The following FGF20 variants were observed in gnomAD, a reference collection of about 807,000 sequenced individuals.
FGF20 encodes fibroblast growth factor 20.
A neutral mutation model predicts 16.7 loss-of-function variants in FGF20; 8 were observed. The ratio of observed to expected loss-of-function variants is 0.48; its 90% confidence interval spans 0.28 to 0.87. FGF20 has a LOEUF of 0.87. Ranked by LOEUF, FGF20 falls within the 40% of genes least tolerant of loss-of-function variation. FGF20 has a pLI of 0.10. For synonymous variants in FGF20, 161 were observed against 118.6 expected (o/e 1.36, Z -2.32); for missense variants, 397 against 281.4 (o/e 1.41, Z -2.94).
intron 1 of FGF20, 32 bp downstream of exon 1, chr8:17,001,715 G>A (rs762070133): frequency 1.3e-6 from 2 of 1,550,562 alleles, no homozygotes; most frequent in Admixed American, 1.9e-5. Flanking sequence ...CTGGGGCGCA[G>A]ATGGGGGTGG....
intron 1 of FGF20, among the ~76,000 whole-genome samples, chr8:17,000,328 ACC>A (rs1810152601): frequency 6.6e-6 from 1 of 152,200 alleles, no homozygotes; most frequent in Non-Finnish European, 1.5e-5. Flanking sequence ...TTTAAGTGCT[ACC>A]AAATGACCAC....
chr8:16,994,718 C>G (rs1323647070), intron 2 of FGF20, among the ~76,000 whole-genome samples: 5 of 152,122 alleles, frequency 3.3e-5, no homozygotes, highest in Admixed American at 3.3e-4. Flanking sequence ...CCAGAGAGTG[C>G]CATCTGCTTA....
At chr8:16,995,205 CCA>C (rs1810015096) in intron 2 of FGF20, among the ~76,000 whole-genome samples, 2 of 152,108 alleles carry the variant, frequency 1.3e-5, no homozygotes, top group South Asian at 4.1e-4. Context: ...TTGCAGTATC[CCA>C]CAACTTTACT....
chr8:16,998,146 C>G (rs1045648461), intron 1 of FGF20, among the ~76,000 whole-genome samples: 3 of 152,104 alleles, frequency 2.0e-5, no homozygotes, highest in Admixed American at 6.5e-5. Context: ...GGTAAACCAC[C>G]TACACTTTAA....
intron 1 of FGF20, among the ~76,000 whole-genome samples, chr8:16,999,689 T>TC (rs550927008): frequency 4.9e-4 from 15 of 30,574 alleles, no homozygotes; most frequent in African/African-American, 3.9e-3. Flanking sequence ...GCCCAGCTAA[T>TC]TTTTTTTTTT....
intron 1 of FGF20, among the ~76,000 whole-genome samples, chr8:16,999,518 CTTTTTTTTTTT>C (rs370808443): frequency 5.8e-5 from 5 of 85,836 alleles, no homozygotes; most frequent in Admixed American, 1.8e-4. Context: ...TACAAGTTTC[CTTTTTTTTTTT>C]TTTTTTTTTT....
intron 1 of FGF20, among the ~76,000 whole-genome samples, chr8:17,001,170 G>A (rs1371856144): frequency 1.3e-5 from 2 of 151,704 alleles, no homozygotes; most frequent in Non-Finnish European, 2.9e-5. Flanking sequence ...CTCTTCAGGT[G>A]AACATTTGCA....
Position 16,993,055 on chromosome 8 carries a change from A to G in FGF20, c.*17T>C, listed in dbSNP as rs773213151. On this transcript the variant is annotated 3_prime_UTR_variant, in exon 3 of 3. Transcript: ENST00000180166. ...AATGGTTGTGGTTTGACTCTTCCAT[A>G]ATGTCACTATCGCACTTCAAGTGTA... The G allele has an allele frequency of 1.2e-6, 2 of 1,610,882 alleles. No homozygotes were observed. Among genetic ancestry groups the G allele is most frequent in the Non-Finnish European group, 1.7e-6 (2 of 1,178,492 alleles).
rs983239631 is a variant in FGF20 at position 17,001,790 on chromosome 8, G to C, written c.243C>G (p.Pro81=). 5 of 1,571,212 alleles carry C rather than the reference G, an allele frequency of 3.2e-6. No homozygotes were observed. The highest frequency in any genetic ancestry group is 1.4e-5 in the African/African-American group (1 of 71,422). ...GCCGGGTGCCCTGCACGCTGCCGTC[G>C]GGCAGGATCTGCAGGTGGAAGCCGG... ...CRTGFHLQIL[P]DGSVQGTRQD... is the part of the protein sequence containing the mutation. Residue 81 remains proline (P), a synonymous_variant, in exon 1 of 3, where the codon CCC becomes CCG. Transcript: ENST00000180166.
chr8:16,995,611 T>A (rs1810024384), intron 2 of FGF20, 44 bp downstream of exon 2: 1 of 816,954 alleles, frequency 1.2e-6, no homozygotes, highest in Non-Finnish European at 1.8e-6. Context: ...ATAGTCAATA[T>A]TTTAAGAATT....
At position 16,993,302 on chromosome 8, in the gene FGF20, C is replaced by T. The variant is rs201317229; in HGVS notation, c.406G>A (p.Glu136Lys). Residue 136 changes from glutamate to lysine, a missense_variant, in exon 3 of 3, where the codon GAA (glutamate) becomes AAA (lysine). Physicochemically the swap from Glu to Lys is moderately conservative, Grantham distance 56 (BLOSUM62 1). Coordinates refer to ENST00000180166, the MANE Select transcript of FGF20 (RefSeq NM_019851.3). ...ELYGSEKLTS[E>K]CIFREQFEEN... is the part of the protein sequence containing the mutation. ...TCAAACTGCTCCCTAAAGATGCATTCGGAAGTAAGTTTCTCCTGAAAGAGA... is the reference window on the plus strand; with the variant it reads ...TCAAACTGCTCCCTAAAGATGCATTTGGAAGTAAGTTTCTCCTGAAAGAGA... 51 of 1,606,424 alleles carry T rather than the reference C, an allele frequency of 3.2e-5. No homozygotes were observed. Among genetic ancestry groups the T allele is most frequent in the Non-Finnish European group, 4.0e-5 (47 of 1,176,486 alleles).
intron 1 of FGF20, 112 bp from the exon 2 acceptor site, chr8:16,995,870 A>G (rs1810031141): frequency 1.7e-6 from 1 of 572,446 alleles, no homozygotes; most frequent in Admixed American, 3.1e-5. Flanking sequence ...TGCCAAATAT[A>G]ATGATGTACG....
In FGF20 at chr8:17,001,754, G is replaced by T; in HGVS notation, c.279C>A (p.Ser93Arg). Residue 93 changes from serine (S) to arginine (R), a missense_variant, in exon 1 of 3, where the codon AGC becomes AGA. Physicochemically the swap from Ser to Arg is moderately radical, Grantham distance 110 (BLOSUM62 -1). Coordinates refer to ENST00000180166, the MANE Select transcript of FGF20 (RefSeq NM_019851.3). The part of the protein sequence containing the change: ...GSVQGTRQDH[S>R]LFGILEFISV... ...CGGGATGCTAGTACGTACCGAAGAG[G>T]CTGTGGTCCTGCCGGGTGCCCTGCA... The T allele has an allele frequency of 6.3e-7, 1 of 1,579,490 alleles. No individual in the cohort carries two copies. The highest frequency in any genetic ancestry group is 8.6e-7 in the Non-Finnish European group (1 of 1,165,984).
chr8:16,993,289 C>A lies in FGF20; in HGVS notation c.419G>T (p.Arg140Met). Residue 140 changes from arginine to methionine, a missense_variant, in exon 3 of 3, where the codon AGG becomes ATG. Arg to Met is a moderately conservative substitution (Grantham distance 91, BLOSUM62 -1). Coordinates refer to ENST00000180166, the MANE Select transcript of FGF20 (RefSeq NM_019851.3). ...ATACCAGTTCTCTTCAAACTGCTCC[C>A]TAAAGATGCATTCGGAAGTAAGTTT... ...SEKLTSECIF[R>M]EQFEENWYNT... 6.2e-7 allele frequency: 1 copy of A among 1,611,444 alleles called. No homozygotes were observed. The highest frequency in any genetic ancestry group is 8.5e-7 in the Non-Finnish European group (1 of 1,178,678).
Position 17,002,108 on chromosome 8 carries a change from A to G in FGF20, c.-76T>C, listed in dbSNP as rs1433410658. 1 of 1,415,466 alleles carries G rather than the reference A, an allele frequency of 7.1e-7. No homozygotes were observed. The highest frequency in any genetic ancestry group is 1.5e-5 in the African/African-American group (1 of 65,648). The allele number at this position is 1,415,466 out of a possible 1,614,324, so 87.7% of individuals were successfully genotyped here. ...GGGGTGGGATGGAGGTGGATAGAGA[A>G]AAATTATAGCAAAACGAGCGCAAAA... On this transcript the variant is annotated 5_prime_UTR_variant, in exon 1 of 3. Coordinates refer to ENST00000180166, the MANE Select transcript of FGF20 (RefSeq NM_019851.3).
chr8:17,001,429 TC>T (rs1810178413), intron 1 of FGF20, among the ~76,000 whole-genome samples: 1 of 151,780 alleles, frequency 6.6e-6, no homozygotes, highest in Non-Finnish European at 1.5e-5. Flanking sequence ...GGTCTTGGTG[TC>T]CCCGGCAGTG....
chr8:16,993,476 G>T (rs1444460247), intron 2 of FGF20, among the ~76,000 whole-genome samples, 159 bp from the exon 3 acceptor site: 4 of 152,126 alleles, frequency 2.6e-5, no homozygotes, highest in African/African-American at 9.7e-5. Context: ...TGTCATCTCT[G>T]ATTCTTAGTG....
Position 16,993,336 on chromosome 8 carries a change from C to G in FGF20, c.391-19G>C, listed in dbSNP as rs755099666. The G allele has an allele frequency of 1.9e-6, 3 of 1,566,492 alleles. No individual in the cohort carries two copies. The highest frequency in any genetic ancestry group is 2.0e-5 in the Admixed American group (1 of 49,786). On this transcript the variant is annotated intron_variant, in intron 2 of 2. Transcript: ENST00000180166. ...GTTTCTCCTGAAAGAGAGAAGATAA[C>G]TATTATTTTTTAAAAAAATACCTTT...
chr8:17,001,749 A>C lies in FGF20; in HGVS notation c.284T>G (p.Phe95Cys). 6.3e-7 allele frequency: 1 copy of C among 1,578,082 alleles called. No individual in the cohort carries two copies. Among genetic ancestry groups the C allele is most frequent in the Non-Finnish European group, 8.6e-7 (1 of 1,165,270 alleles). ...VQGTRQDHSL[F>C]GILEFISVAV... is the part of the protein sequence containing the mutation. ...GGGGTCGGGATGCTAGTACGTACCG[A>C]AGAGGCTGTGGTCCTGCCGGGTGCC... The change falls in exon 1 of 3, where the codon TTC becomes TGC. Residue 95 changes from phenylalanine (F) to cysteine (C), a missense_variant and splice_region_variant. Phe to Cys is a radical substitution (Grantham distance 205). Coordinates refer to ENST00000180166, the MANE Select transcript of FGF20 (RefSeq NM_019851.3).
Sources: allele counts gnomAD v4.1 joint callset (sites outside exome capture counted in the v4.1 genomes callset), GRCh38; gene constraint gnomAD v4.1.1; transcripts MANE v1.5; gene names NCBI Gene and HGNC (gene_info 2026-07-23, HGNC 2026-07-21).